The following EBF1 variants were observed in gnomAD, a reference collection of about 807,000 sequenced individuals.
EBF1 encodes EBF transcription factor 1.
Under a neutral mutation model 68.4 loss-of-function variants are expected in EBF1, and 10 were observed. That is an observed-to-expected ratio of 0.15 (90% CI 0.09 to 0.25). The LOEUF (loss-of-function observed/expected upper bound fraction) is 0.25. Ranked by LOEUF, EBF1 falls within the 10% of genes least tolerant of loss-of-function variation. The pLI is 1.00. For missense variants in EBF1, 509 were observed against 794.4 expected, an observed-to-expected ratio of 0.64 and a Z score of 4.32; for synonymous variants, 298 against 299.8, an observed-to-expected ratio of 0.99 and a Z score of 0.06.
chr5:158,828,297 T>C (rs1025387765), intron 7 of EBF1, among the ~76,000 whole-genome samples: 2 of 152,160 alleles, frequency 1.3e-5, no homozygotes, highest in African/African-American at 4.8e-5. Flanking sequence ...CCCCAGAAAT[T>C]CATGCATTGA....
intron 10 of EBF1, among the ~76,000 whole-genome samples, chr5:158,765,637 C>G (rs529882499): frequency 6.6e-6 from 1 of 152,202 alleles, no homozygotes; most frequent in Admixed American, 6.5e-5. Context: ...CCAGGTTGAA[C>G]AGCAGTGGGT....
intron 6 of EBF1, among the ~76,000 whole-genome samples, chr5:158,864,765 G>A (rs1370001717): frequency 6.6e-6 from 1 of 152,178 alleles, no homozygotes; most frequent in Non-Finnish European, 1.5e-5. Context: ...AGGGCAAGAA[G>A]GAGCCCAGCC....
intron 8 of EBF1, among the ~76,000 whole-genome samples, chr5:158,821,756 C>A (rs1363747723): frequency 6.6e-6 from 1 of 152,166 alleles, no homozygotes; most frequent in Non-Finnish European, 1.5e-5. Flanking sequence ...AGAAATGGAA[C>A]TAGGAATGTA....
At chr5:158,830,944 G>A (rs1466936407) in intron 7 of EBF1, among the ~76,000 whole-genome samples, 3 of 152,190 alleles carry the variant, frequency 2.0e-5, no homozygotes, top group Non-Finnish European at 4.4e-5. Context: ...TTAACAGGAA[G>A]ACAAGAACAG....
intron 10 of EBF1, among the ~76,000 whole-genome samples, chr5:158,766,046 G>T (rs898010731): frequency 2.6e-5 from 4 of 152,132 alleles, no homozygotes; most frequent in Non-Finnish European, 4.4e-5. Flanking sequence ...AAATCGGTAG[G>T]GGCATGAAAT....
At chr5:158,762,388 A>T (rs1247245282) in intron 10 of EBF1, among the ~76,000 whole-genome samples, 2 of 152,226 alleles carry the variant, frequency 1.3e-5, no homozygotes, top group Non-Finnish European at 2.9e-5. Flanking sequence ...GCATCAATGG[A>T]CAACTGGCCC....
intron 6 of EBF1, among the ~76,000 whole-genome samples, chr5:159,057,756 C>T (rs1331583757): frequency 6.6e-6 from 1 of 152,166 alleles, no homozygotes; most frequent in African/African-American, 2.4e-5. Context: ...GTCCACTCAG[C>T]TTAAATGGAA....
chr5:158,752,089 CTAAA>C (rs1180946084), intron 10 of EBF1, among the ~76,000 whole-genome samples: 2 of 151,880 alleles, frequency 1.3e-5, no homozygotes, highest in African/African-American at 4.8e-5. Context: ...AGATGTGAAA[CTAAA>C]TAGATACTCA....
chr5:158,913,252 C>G (rs575226696), intron 6 of EBF1, among the ~76,000 whole-genome samples: 2 of 152,226 alleles, frequency 1.3e-5, no homozygotes, highest in Non-Finnish European at 1.5e-5. Flanking sequence ...TTTACTATTG[C>G]ATGTCAAAGT....
At chr5:159,087,453 CACACACACACATATAT>C (rs1470894262) in intron 4 of EBF1, among the ~76,000 whole-genome samples, 3 of 74,032 alleles carry the variant, frequency 4.1e-5, no homozygotes, top group Admixed American at 1.1e-4. Context: ...TATATATATA[CACACACACACATATAT>C]ACACACACAC....
intron 6 of EBF1, among the ~76,000 whole-genome samples, chr5:158,877,088 C>T (rs575431429): frequency 2.0e-4 from 31 of 152,176 alleles, no homozygotes; most frequent in Non-Finnish European, 3.5e-4. Context: ...AAGCCTCTAT[C>T]TCCACCAACT....
At chr5:158,930,887 CA>C (rs5872578) in intron 6 of EBF1, among the ~76,000 whole-genome samples, 12,189 of 143,368 alleles carry the variant, frequency 0.085, 1,167 homozygotes, top group East Asian at 0.53. Context: ...TCAGGTTACC[CA>C]AAAAAAAAAA....
chr5:159,042,381 G>T (rs1771380882), intron 6 of EBF1, among the ~76,000 whole-genome samples: 1 of 152,152 alleles, frequency 6.6e-6, no homozygotes, highest in African/African-American at 2.4e-5. Flanking sequence ...CAAAGGCAAA[G>T]CCTGGACCCG....
intron 6 of EBF1, among the ~76,000 whole-genome samples, chr5:158,932,737 A>ATTAC (rs1287130525): frequency 6.6e-6 from 1 of 152,168 alleles, no homozygotes; most frequent in Non-Finnish European, 1.5e-5. Flanking sequence ...AAGCCCAGAG[A>ATTAC]TTACTGAAAT....
intron 6 of EBF1, among the ~76,000 whole-genome samples, chr5:159,057,296 G>A (rs1047705263): frequency 2.0e-5 from 3 of 151,982 alleles, no homozygotes; most frequent in South Asian, 2.1e-4. Context: ...TAGTAGAGAC[G>A]AGGTTTTGCC....
intron 10 of EBF1, among the ~76,000 whole-genome samples, chr5:158,763,733 T>C (rs1015990021): frequency 6.6e-6 from 1 of 152,186 alleles, no homozygotes; most frequent in East Asian, 1.9e-4. Flanking sequence ...TTCATATACA[T>C]TCAAAAATTT....
At chr5:158,863,958 G>A (rs1420009877) in intron 6 of EBF1, among the ~76,000 whole-genome samples, 3 of 150,926 alleles carry the variant, frequency 2.0e-5, no homozygotes, top group Admixed American at 6.6e-5. Flanking sequence ...GGGGCCAGGT[G>A]TGGTGGCTCA....
chr5:158,838,869 A>G (rs1789500946), intron 7 of EBF1, among the ~76,000 whole-genome samples: 1 of 140,262 alleles, frequency 7.1e-6, no homozygotes, highest in East Asian at 2.0e-4. Context: ...AGGGAAACTA[A>G]CATTGACCAT....
At chr5:158,800,231 CA>C (rs1343489347) in intron 8 of EBF1, among the ~76,000 whole-genome samples, 1 of 152,018 alleles carries the variant, frequency 6.6e-6, no homozygotes, top group Non-Finnish European at 1.5e-5. Context: ...AAACAATTTG[CA>C]AACTAAAGGA....
Sources: gnomAD v4.1 joint callset for allele counts (sites outside exome capture counted in the v4.1 genomes callset) on GRCh38, gnomAD v4.1.1 for gene constraint, MANE v1.5 for transcripts, NCBI Gene and HGNC (gene_info 2026-07-23, HGNC 2026-07-21) for gene names.